The following CCDC13 variants were observed in gnomAD, a reference collection of about 807,000 sequenced individuals.
CCDC13 encodes the protein coiled-coil domain-containing protein 13.
Under a neutral mutation model 87.3 loss-of-function variants are expected in CCDC13, and 70 were observed. The ratio of observed to expected loss-of-function variants is 0.80; its 90% CI spans 0.66 to 0.98. The LOEUF (loss-of-function observed/expected upper bound fraction) is 0.98, where lower values mean the gene tolerates loss of function less well. Ranked by LOEUF, CCDC13 falls within the 50% of genes least tolerant of loss-of-function variation. CCDC13 has a pLI of 0.00. For missense variants in CCDC13, 842 were observed against 892.0 expected (o/e 0.94, Z 0.71); for synonymous variants, 317 against 360.3 (o/e 0.88, Z 1.36).
chr3:42,735,971 G>T, intron 9 of CCDC13, 58 bp from the exon 10 acceptor site: 1 of 1,500,824 alleles, frequency 6.7e-7, no homozygotes, highest in Non-Finnish European at 9.1e-7. Context: ...GGCCGGGGAG[G>T]ACAAGAACAG....
At chr3:42,735,081 A>T (rs1319721253) in intron 10 of CCDC13, among the ~76,000 whole-genome samples, 1 of 152,148 alleles carries the variant, frequency 6.6e-6, no homozygotes, top group East Asian at 1.9e-4. Context: ...AGTGCCTAGG[A>T]GGGGAACACA....
At chr3:42,717,718 A>G (rs1303185269) in intron 13 of CCDC13, among the ~76,000 whole-genome samples, 2 of 152,250 alleles carry the variant, frequency 1.3e-5, no homozygotes, top group African/African-American at 4.8e-5. Context: ...AGGTTGGCCT[A>G]GCTAATTTGT....
At chr3:42,766,503 A>G (rs538397431) in intron 1 of CCDC13, among the ~76,000 whole-genome samples, 70 of 151,620 alleles carry the variant, frequency 4.6e-4, no homozygotes, top group South Asian at 1.7e-3. Context: ...GGGCCAGTCA[A>G]GTGAAAGGAG....
At chr3:42,737,634 T>A (rs1270016237) in intron 9 of CCDC13, among the ~76,000 whole-genome samples, 1 of 152,218 alleles carries the variant, frequency 6.6e-6, no homozygotes, top group African/African-American at 2.4e-5. Context: ...TATCTCATTG[T>A]GGTTTTGATT....
chr3:42,738,785 C>T (rs1055453050), intron 9 of CCDC13, among the ~76,000 whole-genome samples: 16 of 152,286 alleles, frequency 1.1e-4, no homozygotes, highest in African/African-American at 3.6e-4. Flanking sequence ...CCTGAAGTTG[C>T]TTATCAGCTT....
Position 42,749,988 on chromosome 3 carries a change from G to A in CCDC13, c.603+1948C>T, listed in dbSNP as rs142783104. On this transcript the variant is annotated intron_variant, in intron 5 of 15. Coordinates refer to ENST00000310232, the MANE Select transcript of CCDC13 (RefSeq NM_144719.4). ...GAGGGGAAACATTGCTTTTGCTCTC[G>A]CTCTGATCAGGAGATGCCAGGGAGA... The A allele has an allele frequency of 3.9e-4, 180 of 455,894 alleles. 1 individual carries two copies. Among genetic ancestry groups the A allele is most frequent in the East Asian group, 2.9e-3 (42 of 14,376 alleles). 28.2% of individuals were successfully genotyped at this position (455,894 alleles called of 1,614,324 possible).
intron 1 of CCDC13, among the ~76,000 whole-genome samples, chr3:42,769,406 T>G (rs1700004926): frequency 1.3e-5 from 2 of 152,358 alleles, no homozygotes; most frequent in East Asian, 3.9e-4. Context: ...AAAAGCCACT[T>G]TGCAAGACAA....
chr3:42,724,969 A>C (rs1698656262), intron 13 of CCDC13, among the ~76,000 whole-genome samples: 1 of 152,142 alleles, frequency 6.6e-6, no homozygotes, highest in African/African-American at 2.4e-5. Flanking sequence ...ATGATACATA[A>C]AGTGTTCTTT....
intron 1 of CCDC13, among the ~76,000 whole-genome samples, chr3:42,765,397 G>T (rs1353639170): frequency 2.0e-5 from 3 of 152,170 alleles, no homozygotes; most frequent in Admixed American, 1.3e-4. Context: ...TGTGGCCAGG[G>T]TGTCTATTTT....
At position 42,710,196 on chromosome 3, in the gene CCDC13, G is replaced by A. The variant is rs548633248; in HGVS notation, c.1874-398C>T. Among the ~76,000 whole-genome samples the A allele has an allele frequency of 6.7e-5, 10 of 149,786 alleles. No individual in the cohort carries two copies. The Admixed American group carries it at 6.7e-4, about 10-fold the overall frequency. The stretch of plus-strand genomic sequence containing the variant: ...GTGATCTCAGCTCACAGCAATCTGC[G>A]CCTCCAGGGTTCAAGCGATTCTTGT... On this transcript the variant is annotated intron_variant, in intron 14 of 15. Transcript: ENST00000310232.
intron 1 of CCDC13, among the ~76,000 whole-genome samples, chr3:42,764,159 G>A (rs559915129): frequency 6.6e-6 from 1 of 152,328 alleles, no homozygotes; most frequent in African/African-American, 2.4e-5. Context: ...AGGCTTCAGA[G>A]AGAATAGATT....
rs560474255 is a variant in CCDC13 at position 42,708,650 on chromosome 3, G to A, written c.*330C>T. 58 of 227,758 alleles carry A rather than the reference G, an allele frequency of 2.5e-4. No homozygotes were observed. The highest frequency in any genetic ancestry group is 9.7e-4 in the African/African-American group (42 of 43,504). The allele number at this position is 227,758 out of a possible 1,614,324, so 14.1% of individuals were successfully genotyped here. A position where few individuals can be genotyped will look rare whatever the true frequency, so the allele number is the denominator to read the frequency against. On this transcript the variant is annotated 3_prime_UTR_variant, in exon 16 of 16. Transcript: ENST00000310232. ...CAGGGCTAGTACCTAGGATGAGGGC[G>A]ATGAACACCTGCCCGAGGGACTGCA...
chr3:42,707,664 CTA>C lies in CCDC13; in HGVS notation c.*1314_*1315del, dbSNP rs1296655083. On this transcript the variant is annotated 3_prime_UTR_variant, in exon 16 of 16. Coordinates refer to ENST00000310232, the MANE Select transcript of CCDC13 (RefSeq NM_144719.4). ...CACTGCACAAGCAACACACAAGTGG[CTA>C]TGTCTTCACGTGTGGGAATGTGTGT... 6.6e-6 allele frequency among the ~76,000 whole-genome samples: 1 copy of C among 152,218 alleles called. No homozygotes were observed. Among genetic ancestry groups the C allele is most frequent in the African/African-American group, 2.4e-5 (1 of 41,464 alleles).
At chr3:42,736,992 C>T (rs992452724) in intron 9 of CCDC13, among the ~76,000 whole-genome samples, 5 of 152,136 alleles carry the variant, frequency 3.3e-5, no homozygotes, top group Admixed American at 6.5e-5. Flanking sequence ...TATACATATG[C>T]CATGTTGGTT....
At chr3:42,713,927 C>G (rs1451439550) in intron 13 of CCDC13, 1 of 152,240 alleles carries the variant, frequency 6.6e-6, no homozygotes, top group East Asian at 1.9e-4. Flanking sequence ...GTTGGCTGAC[C>G]TGGGCTCTTA....
chr3:42,741,454 T>C (rs921078202), intron 8 of CCDC13, among the ~76,000 whole-genome samples: 2 of 152,164 alleles, frequency 1.3e-5, no homozygotes, highest in African/African-American at 4.8e-5. Flanking sequence ...AACCCTGTCG[T>C]GGGCTCGGCG....
intron 13 of CCDC13, among the ~76,000 whole-genome samples, chr3:42,725,760 A>G (rs942552197): frequency 1.3e-5 from 2 of 152,154 alleles, no homozygotes; most frequent in Non-Finnish European, 2.9e-5. Context: ...AGCTTCACAG[A>G]GACAAATGCA....
chr3:42,709,223 G>T, intron 15 of CCDC13, 84 bp from the exon 16 acceptor site: 1 of 1,391,120 alleles, frequency 7.2e-7, no homozygotes, highest in Non-Finnish European at 9.7e-7. Context: ...GAATGTGGTT[G>T]CCAGCATGGC....
intron 1 of CCDC13, 83 bp from the exon 2 acceptor site, chr3:42,758,434 G>T: frequency 7.3e-7 from 1 of 1,361,932 alleles, no homozygotes. Flanking sequence ...TGCAGCCCCA[G>T]CCTTGGAGTT....
Sources: gnomAD v4.1 joint callset for allele counts (sites outside exome capture counted in the v4.1 genomes callset) on GRCh38, gnomAD v4.1.1 for gene constraint, MANE v1.5 for transcripts, NCBI Gene and HGNC (gene_info 2026-07-23, HGNC 2026-07-21) for gene names.